The following TEKT5 variants were observed in gnomAD, a reference collection of about 807,000 sequenced individuals.
The protein encoded by TEKT5 is tektin-5.
Under a neutral mutation model 48.7 loss-of-function variants are expected in TEKT5, and 52 were observed. The observed-to-expected ratio is 1.07, with a 90% CI of 0.86 to 1.35. TEKT5 has a LOEUF of 1.35. Among genes scored for constraint, TEKT5 ranks in the 40% most tolerant of loss-of-function variants. TEKT5 has a pLI of 0.00. For synonymous variants in TEKT5, 318 were observed against 267.6 expected (o/e 1.19, Z -1.84); for missense variants, 831 against 641.6 (o/e 1.30, Z -3.19).
Position 10,694,197 on chromosome 16 carries a change from C to G in TEKT5, c.564+113G>C. On this transcript the variant is annotated intron_variant, in intron 1 of 6. Coordinates refer to ENST00000283025, the MANE Select transcript of TEKT5 (RefSeq NM_144674.2). ...TTACTGATCGTATTCGATGATGCAG[C>G]TCAAACCGACCTGCAAGGTGCCTGC... 3 of 1,076,284 alleles carry G rather than the reference C, an allele frequency of 2.8e-6. 1 individual carries two copies. In the South Asian group the frequency reaches 4.9e-5, roughly 17 times the overall value. The allele number at this position is 1,076,284 out of a possible 1,614,324, so 66.7% of individuals were successfully genotyped here. A position where few individuals can be genotyped will look rare whatever the true frequency, so the allele number is the denominator to read the frequency against.
At chr16:10,641,207 G>A (rs920208158) in intron 5 of TEKT5, among the ~76,000 whole-genome samples, 2 of 152,142 alleles carry the variant, frequency 1.3e-5, no homozygotes, top group Admixed American at 1.3e-4. Flanking sequence ...AATTTGCATT[G>A]TGCTTGTCTC....
intron 5 of TEKT5, among the ~76,000 whole-genome samples, chr16:10,655,314 G>A (rs1898242819): frequency 1.3e-5 from 2 of 151,988 alleles, no homozygotes; most frequent in South Asian, 2.1e-4. Flanking sequence ...GGAAAAGTAG[G>A]ACTTCAGAAC....
At chr16:10,666,055 T>C (rs149675134) in intron 5 of TEKT5, among the ~76,000 whole-genome samples, 5,397 of 152,256 alleles carry the variant, frequency 0.035, 293 homozygotes, top group African/African-American at 0.12. Flanking sequence ...CTGGCCAACA[T>C]GGTGACACCT....
At chr16:10,670,953 G>A (rs1032414027) in intron 5 of TEKT5, among the ~76,000 whole-genome samples, 2 of 151,886 alleles carry the variant, frequency 1.3e-5, no homozygotes, top group African/African-American at 4.8e-5. Context: ...CACCCAGGCT[G>A]GAGTGCAGTG....
intron 3 of TEKT5, among the ~76,000 whole-genome samples, chr16:10,687,990 T>C (rs1898893484): frequency 6.6e-6 from 1 of 152,226 alleles, no homozygotes; most frequent in South Asian, 2.1e-4. Context: ...CATTCCCATT[T>C]ATACTCTTTA....
intron 5 of TEKT5, among the ~76,000 whole-genome samples, chr16:10,638,087 C>T (rs1424429348): frequency 6.6e-6 from 1 of 152,236 alleles, no homozygotes; most frequent in Admixed American, 6.5e-5. Flanking sequence ...GCTGGGATTA[C>T]AGGTGTGACC....
chr16:10,680,733 A>C (rs1596417091), intron 4 of TEKT5, among the ~76,000 whole-genome samples: 1 of 151,464 alleles, frequency 6.6e-6, no homozygotes, highest in South Asian at 2.1e-4. Flanking sequence ...ATTGGAAATC[A>C]TCATTCTCAG....
intron 5 of TEKT5, among the ~76,000 whole-genome samples, chr16:10,655,286 AG>A (rs1350892636): frequency 6.6e-6 from 1 of 152,158 alleles, no homozygotes; most frequent in Non-Finnish European, 1.5e-5. Flanking sequence ...GTCTAAACGG[AG>A]GGAGTGTAGT....
In TEKT5 at chr16:10,676,156, T is replaced by G; in HGVS notation, c.889A>C (p.Lys297Gln). 1 of 1,614,204 alleles carries G rather than the reference T, an allele frequency of 6.2e-7. No individual in the cohort carries two copies. Among genetic ancestry groups the G allele is most frequent in the Non-Finnish European group, 8.5e-7 (1 of 1,180,032 alleles). ...GTISVPETWA[K>Q]FSNDNIKHSQ... ...TGTTTGATGTTGTCGTTACTGAACTTGGCCCAGGTCTCAGGTACGGAGATC... is the reference window on the plus strand; with the variant it reads ...TGTTTGATGTTGTCGTTACTGAACTGGGCCCAGGTCTCAGGTACGGAGATC... Residue 297 changes from lysine to glutamine, a missense_variant, in exon 5 of 7, where the codon AAG becomes CAG. Lys to Gln is a moderately conservative substitution (Grantham distance 53, BLOSUM62 1). Coordinates refer to ENST00000283025, the MANE Select transcript of TEKT5 (RefSeq NM_144674.2).
intron 6 of TEKT5, 21 bp from the exon 7 acceptor site, chr16:10,627,820 A>C (rs1440838726): frequency 6.2e-7 from 1 of 1,604,196 alleles, no homozygotes; most frequent in Admixed American, 1.7e-5. Flanking sequence ...GGCAGAGGAG[A>C]AGGCACAGGT....
At chr16:10,639,891 C>A (rs1394998719) in intron 5 of TEKT5, among the ~76,000 whole-genome samples, 1 of 152,206 alleles carries the variant, frequency 6.6e-6, no homozygotes, top group Non-Finnish European at 1.5e-5. Context: ...CTAGTGCCTG[C>A]TCCCAGATCT....
chr16:10,652,406 C>A (rs537163787), intron 5 of TEKT5, among the ~76,000 whole-genome samples: 1 of 151,454 alleles, frequency 6.6e-6, no homozygotes. Context: ...AACACACACA[C>A]ACACCCTCCA....
At chr16:10,661,068 G>T (rs1292061299) in intron 5 of TEKT5, among the ~76,000 whole-genome samples, 2 of 152,106 alleles carry the variant, frequency 1.3e-5, no homozygotes, top group Non-Finnish European at 2.9e-5. Flanking sequence ...ACAGCTTTAT[G>T]ATCTCTGTTG....
chr16:10,670,103 G>A (rs1416366457), intron 5 of TEKT5, among the ~76,000 whole-genome samples: 1 of 151,860 alleles, frequency 6.6e-6, no homozygotes, highest in Non-Finnish European at 1.5e-5. Context: ...TTACAAGGTG[G>A]ATTCCTGTGA....
intron 1 of TEKT5, chr16:10,690,848 C>G (rs1253256446): frequency 2.2e-6 from 2 of 927,534 alleles, no homozygotes; most frequent in South Asian, 1.0e-4. Context: ...AGCAGGATGT[C>G]AAGGTCTGGA....
At chr16:10,656,521 G>C (rs1211652519) in intron 5 of TEKT5, among the ~76,000 whole-genome samples, 3 of 152,102 alleles carry the variant, frequency 2.0e-5, no homozygotes, top group Admixed American at 6.6e-5. Flanking sequence ...CCAAAGTGCT[G>C]AGATGACAGG....
At chr16:10,640,888 G>A (rs1596402149) in intron 5 of TEKT5, among the ~76,000 whole-genome samples, 2 of 152,288 alleles carry the variant, frequency 1.3e-5, no homozygotes, top group Admixed American at 1.3e-4. Flanking sequence ...TCATGGACAT[G>A]TGGGTTGTTT....
chr16:10,690,445 AT>A (rs1342216877), intron 1 of TEKT5, among the ~76,000 whole-genome samples: 1 of 152,024 alleles, frequency 6.6e-6, no homozygotes, highest in Non-Finnish European at 1.5e-5. Flanking sequence ...ACCACTTCCT[AT>A]TGTGTGCATT....
chr16:10,635,123 A>T (rs904880619), intron 6 of TEKT5, among the ~76,000 whole-genome samples: 1 of 151,776 alleles, frequency 6.6e-6, no homozygotes, highest in East Asian at 1.9e-4. Context: ...AATAATCCCC[A>T]TATCTGATGA....
Sources: gnomAD v4.1 joint callset for allele counts (sites outside exome capture counted in the v4.1 genomes callset) on GRCh38, gnomAD v4.1.1 for gene constraint, MANE v1.5 for transcripts, NCBI Gene and HGNC (gene_info 2026-07-23, HGNC 2026-07-21) for gene names.